Variants in MID1 observed in about 807,000 individuals in gnomAD.
The protein encoded by MID1 is midline 1.
In MID1, 7 loss-of-function variants were observed where a neutral mutation model predicts 40.4. That is an observed-to-expected ratio of 0.17 (90% confidence interval 0.10 to 0.33). MID1 has a LOEUF of 0.33. Among genes scored for constraint, MID1 ranks in the 10% least tolerant of loss-of-function variants. The pLI is 1.00. For synonymous variants in MID1, 229 were observed against 221.2 expected (o/e 1.04, Z -0.31); for missense variants, 367 against 558.5 (o/e 0.66, Z 3.46).
intron 3 of MID1, among the ~76,000 whole-genome samples, chrX:10,507,652 T>C: frequency 8.9e-6 from 1 of 112,390 alleles, no homozygotes; most frequent in Non-Finnish European, 1.9e-5. Context: ...TAATTGGAGG[T>C]TATGCCTGAC....
chrX:10,635,978 A>C (rs769544212), intron 1 of MID1, among the ~76,000 whole-genome samples: 5 of 112,169 alleles, frequency 4.5e-5, no homozygotes, highest in Non-Finnish European at 9.4e-5. Context: ...TGTTAGAGGC[A>C]ACAAAACCAT....
chrX:10,632,910 C>T (rs1473076836), intron 1 of MID1, among the ~76,000 whole-genome samples: 1 of 111,409 alleles, frequency 9.0e-6, no homozygotes, highest in Non-Finnish European at 1.9e-5. Flanking sequence ...TGGAATGCAG[C>T]CATGCCCATT....
At chrX:10,535,463 T>C (rs976844469) in intron 2 of MID1, among the ~76,000 whole-genome samples, 27 of 112,498 alleles carry the variant, frequency 2.4e-4, no homozygotes, top group African/African-American at 8.4e-4. Flanking sequence ...ATTTATGTGA[T>C]TTTATCATAG....
chrX:10,804,981 G>C (rs145140044), intron 1 of MID1, among the ~76,000 whole-genome samples: 2 of 110,928 alleles, frequency 1.8e-5, no homozygotes, highest in Admixed American at 9.6e-5. Context: ...ACCTTGTGGG[G>C]GGAATCCTAG....
At chrX:10,772,564 TA>T (rs2043777998) in intron 1 of MID1, among the ~76,000 whole-genome samples, 1 of 107,121 alleles carries the variant, frequency 9.3e-6, no homozygotes, top group Non-Finnish European at 1.9e-5. Flanking sequence ...CCCATGGAAA[TA>T]AAAAATTTTT....
At chrX:10,781,887 T>C (rs1228572446) in intron 1 of MID1, among the ~76,000 whole-genome samples, 1 of 112,606 alleles carries the variant, frequency 8.9e-6, no homozygotes, top group Non-Finnish European at 1.9e-5. Flanking sequence ...GTACTTTTCC[T>C]AATACAGTAC....
intron 1 of MID1, among the ~76,000 whole-genome samples, chrX:10,705,817 C>T (rs1285783300): frequency 1.8e-5 from 2 of 112,256 alleles, no homozygotes. Context: ...AGTATAGCCC[C>T]ACTGGCCAAT....
intron 1 of MID1, among the ~76,000 whole-genome samples, chrX:10,689,246 C>T (rs2083507661): frequency 9.0e-6 from 1 of 111,589 alleles, no homozygotes; most frequent in Admixed American, 9.6e-5. Flanking sequence ...TTCTGCATGG[C>T]TGGAGAGGCC....
chrX:10,505,034 G>A (rs1250898955), intron 3 of MID1, among the ~76,000 whole-genome samples: 1 of 111,911 alleles, frequency 8.9e-6, no homozygotes, highest in South Asian at 3.7e-4. Flanking sequence ...TTGAATTTCT[G>A]TGAGAATGTT....
intron 1 of MID1, among the ~76,000 whole-genome samples, chrX:10,759,457 T>C (rs1171744050): frequency 9.0e-6 from 1 of 111,670 alleles, no homozygotes; most frequent in African/African-American, 3.3e-5. Flanking sequence ...GAAACGCTTC[T>C]GGTGATCTAT....
chrX:10,609,514 C>T (rs998808790), intron 1 of MID1, among the ~76,000 whole-genome samples: 1 of 110,472 alleles, frequency 9.1e-6, no homozygotes, highest in Admixed American at 9.7e-5. Flanking sequence ...GGTGAGGAAA[C>T]TTGGGAAGTT....
At chrX:10,688,416 C>A (rs1364850705) in intron 1 of MID1, among the ~76,000 whole-genome samples, 1 of 111,014 alleles carries the variant, frequency 9.0e-6, no homozygotes, top group East Asian at 2.8e-4. Context: ...TGTTGCTTGC[C>A]TTTTAATTTC....
Position 10,705,193 on chromosome X carries a change from C to G in MID1, c.-186-84774G>C, listed in dbSNP as rs767828656. 1.4e-4 allele frequency among the ~76,000 whole-genome samples: 16 copies of G among 112,487 alleles called. No individual in the cohort carries two copies. The South Asian group carries it at 5.1e-3, about 36-fold the overall frequency. ...CATTGTTACATTTAATTTGCTAAAC[C>G]TTGTTAAACAGTAGGTGGCTATTGG... is the stretch of plus-strand genomic sequence containing the variant. On this transcript the variant is annotated intron_variant, in intron 1 of 10. Transcript: ENST00000380785.
At chrX:10,692,189 T>C (rs151287921) in intron 1 of MID1, among the ~76,000 whole-genome samples, 1,642 of 111,609 alleles carry the variant, frequency 0.015, 32 homozygotes, top group African/African-American at 0.049. Flanking sequence ...ACTTACTTCC[T>C]GTTCGTACAC....
intron 7 of MID1, among the ~76,000 whole-genome samples, chrX:10,467,964 T>C (rs1402285946): frequency 8.9e-6 from 1 of 111,795 alleles, no homozygotes; most frequent in Non-Finnish European, 1.9e-5. Context: ...GACATAGCTG[T>C]CCGGTACAGC....
chrX:10,633,473 G>A (rs1300880767), intron 1 of MID1, among the ~76,000 whole-genome samples: 1 of 110,258 alleles, frequency 9.1e-6, no homozygotes, highest in Non-Finnish European at 1.9e-5. Context: ...TTTGAGACAA[G>A]GTCTCTCTCT....
chrX:10,774,778 A>G (rs942248656), intron 1 of MID1, among the ~76,000 whole-genome samples: 5 of 111,582 alleles, frequency 4.5e-5, no homozygotes, highest in African/African-American at 1.3e-4. Context: ...AGCTTTCATC[A>G]GAAGAAAATA....
At chrX:10,812,789 G>A (rs1323017821) in intron 1 of MID1, among the ~76,000 whole-genome samples, 6 of 111,428 alleles carry the variant, frequency 5.4e-5, no homozygotes, top group Non-Finnish European at 1.1e-4. Context: ...GCATGCCCAA[G>A]TCTCCACTGA....
intron 1 of MID1, among the ~76,000 whole-genome samples, chrX:10,804,824 T>C (rs1470334047): frequency 9.0e-6 from 1 of 111,694 alleles, no homozygotes; most frequent in Non-Finnish European, 1.9e-5. Context: ...CTCTGGTAAA[T>C]TCTTTTCCCT....
Sources: gnomAD v4.1 joint callset for allele counts (sites outside exome capture counted in the v4.1 genomes callset) on GRCh38, gnomAD v4.1.1 for gene constraint, MANE v1.5 for transcripts, NCBI Gene and HGNC (gene_info 2026-07-23, HGNC 2026-07-21) for gene names.